Variants in ADAMTS17 observed in about 807,000 individuals in gnomAD.
ADAMTS17 encodes the protein A disintegrin and metalloproteinase with thrombospondin motifs 17.
Under a neutral mutation model 141.5 loss-of-function variants are expected in ADAMTS17, and 113 were observed. The ratio of observed to expected loss-of-function variants is 0.80; its 90% confidence interval spans 0.69 to 0.93. The LOEUF (loss-of-function observed/expected upper bound fraction) is 0.93, where lower values mean the gene tolerates loss of function less well. Among genes scored for constraint, ADAMTS17 ranks in the 40% least tolerant of loss-of-function variants. The probability of loss-of-function intolerance (pLI) is 0.00; values close to 1 mark genes in which losing one functional copy is unlikely to be tolerated. For synonymous variants in ADAMTS17, 768 were observed against 630.6 expected (o/e 1.22, Z -3.27); for missense variants, 1,659 against 1,517.9 (o/e 1.09, Z -1.54).
intron 7 of ADAMTS17, among the ~76,000 whole-genome samples, chr15:100,206,267 C>T (rs899941): frequency 0.99 from 150,782 of 152,302 alleles, 74,659 homozygotes; most frequent in East Asian, 1. Flanking sequence ...ACCAGCCTGC[C>T]GGATGGCTGC....
chr15:100,270,399 T>C (rs1442357463), intron 4 of ADAMTS17, among the ~76,000 whole-genome samples: 1 of 152,174 alleles, frequency 6.6e-6, no homozygotes, highest in East Asian at 1.9e-4. Context: ...ATAAGTGTAT[T>C]ATTATATTTA....
chr15:100,140,587 C>T (rs935848306), intron 10 of ADAMTS17, among the ~76,000 whole-genome samples: 1 of 151,366 alleles, frequency 6.6e-6, no homozygotes, highest in Admixed American at 6.6e-5. Context: ...TAAGCAGTCA[C>T]CAAGTCCAGA....
intron 18 of ADAMTS17, among the ~76,000 whole-genome samples, chr15:100,040,682 A>G (rs2031169468): frequency 1.3e-5 from 2 of 151,712 alleles, no homozygotes; most frequent in Admixed American, 1.3e-4. Flanking sequence ...AAATGACCAA[A>G]AAAAAAAAAA....
chr15:100,087,673 G>A (rs901550856), intron 15 of ADAMTS17, among the ~76,000 whole-genome samples: 1 of 152,154 alleles, frequency 6.6e-6, no homozygotes, highest in Non-Finnish European at 1.5e-5. Flanking sequence ...GGGATGCAAG[G>A]CTGGTTCAAC....
intron 7 of ADAMTS17, among the ~76,000 whole-genome samples, chr15:100,201,067 C>T (rs2041313097): frequency 2.0e-5 from 3 of 152,206 alleles, no homozygotes; most frequent in African/African-American, 7.2e-5. Flanking sequence ...CTTCCTGCCC[C>T]CAAAGAGCTA....
intron 3 of ADAMTS17, among the ~76,000 whole-genome samples, chr15:100,324,321 A>AG: frequency 6.6e-6 from 1 of 152,174 alleles, no homozygotes; most frequent in Non-Finnish European, 1.5e-5. Context: ...ATAAATAAAT[A>AG]GAAAAAAAAA....
chr15:100,284,843 C>G (rs1225455586), intron 3 of ADAMTS17, among the ~76,000 whole-genome samples: 1 of 152,212 alleles, frequency 6.6e-6, no homozygotes. Flanking sequence ...CAGAATAACA[C>G]ATGTGCTGGA....
At chr15:100,155,572 A>C (rs1029601502) in intron 8 of ADAMTS17, among the ~76,000 whole-genome samples, 2 of 152,360 alleles carry the variant, frequency 1.3e-5, no homozygotes, top group South Asian at 4.1e-4. Context: ...ACAATAAATC[A>C]ACAAAGTATA....
intron 13 of ADAMTS17, among the ~76,000 whole-genome samples, chr15:100,113,762 G>A (rs769708401): frequency 5.3e-5 from 8 of 152,194 alleles, no homozygotes; most frequent in Admixed American, 2.0e-4. Flanking sequence ...CTGGCTTGGC[G>A]GAGCTGTCGT....
At chr15:100,309,738 G>A (rs766608661) in intron 3 of ADAMTS17, among the ~76,000 whole-genome samples, 19 of 152,230 alleles carry the variant, frequency 1.2e-4, no homozygotes, top group African/African-American at 3.6e-4. Flanking sequence ...TCCCCAAATC[G>A]CCATCATGAC....
At chr15:100,100,733 G>A (rs2036045664) in intron 14 of ADAMTS17, among the ~76,000 whole-genome samples, 1 of 151,248 alleles carries the variant, frequency 6.6e-6, no homozygotes, top group Admixed American at 6.6e-5. Context: ...TTTTTCTCCT[G>A]CCTGCTGCCA....
Position 100,199,378 on chromosome 15 carries a change from A to G in ADAMTS17, c.1121T>C (p.Val374Ala). 2 of 1,614,202 alleles carry G rather than the reference A, an allele frequency of 1.2e-6. No individual in the cohort carries two copies. The highest frequency in any genetic ancestry group is 2.2e-5 in the East Asian group (1 of 44,878). ...ATTGAGACCATTGTCTTCGGCAAGCACACACTTCCTCTTAGCACTGCACAC... is the reference window on the plus strand; with the variant it reads ...ATTGAGACCATTGTCTTCGGCAAGCGCACACTTCCTCTTAGCACTGCACAC... ...GGVCSAKRKC[V>A]LAEDNGLNLA... Residue 374 changes from valine (V) to alanine (A), a missense_variant, in exon 8 of 22, where the codon GTG becomes GCG. By Grantham distance (64) the Val-to-Ala change is moderately conservative (BLOSUM62 0). Coordinates refer to ENST00000268070, the MANE Select transcript of ADAMTS17 (RefSeq NM_139057.4).
chr15:100,279,539 C>T (rs765960610), intron 4 of ADAMTS17, among the ~76,000 whole-genome samples: 1 of 152,262 alleles, frequency 6.6e-6, no homozygotes, highest in Non-Finnish European at 1.5e-5. Context: ...CCTGTCCTCT[C>T]GCGTCACTCC....
At chr15:100,300,928 C>A (rs1194619532) in intron 3 of ADAMTS17, among the ~76,000 whole-genome samples, 2 of 152,206 alleles carry the variant, frequency 1.3e-5, no homozygotes, top group Non-Finnish European at 2.9e-5. Flanking sequence ...TTCCTTGGAG[C>A]ACTCACTATT....
rs2060256609 is a variant in ADAMTS17, at chr15:99,973,619, G to A, written c.*783C>T. Reference sequence around the variant, plus strand: ...CATCACCGCAATTACCGTTTCTTATGTCACAGCACCTTGAAGAGAGGCCCT... The same window carrying A: ...CATCACCGCAATTACCGTTTCTTATATCACAGCACCTTGAAGAGAGGCCCT... On this transcript the variant is annotated 3_prime_UTR_variant, in exon 22 of 22. Coordinates refer to ENST00000268070, the MANE Select transcript of ADAMTS17 (RefSeq NM_139057.4). The A allele has an allele frequency of 6.6e-6, 1 of 152,232 alleles. No individual in the cohort carries two copies. The allele number at this position is 152,232 out of a possible 1,614,324, so 9.4% of individuals were successfully genotyped here.
At chr15:100,200,413 C>T (rs948441286) in intron 7 of ADAMTS17, among the ~76,000 whole-genome samples, 2 of 152,070 alleles carry the variant, frequency 1.3e-5, no homozygotes, top group African/African-American at 2.4e-5. Flanking sequence ...CCATGCCGGC[C>T]GCACTTCTGG....
At chr15:100,136,023 T>G (rs1423443222) in intron 10 of ADAMTS17, among the ~76,000 whole-genome samples, 1 of 152,194 alleles carries the variant, frequency 6.6e-6, no homozygotes, top group Non-Finnish European at 1.5e-5. Flanking sequence ...TTTGGCAGTA[T>G]TTGCTAAAGC....
intron 3 of ADAMTS17, among the ~76,000 whole-genome samples, chr15:100,282,110 T>C (rs1469133789): frequency 6.6e-6 from 1 of 152,156 alleles, no homozygotes; most frequent in African/African-American, 2.4e-5. Flanking sequence ...AGCCCACACC[T>C]ACAGGTCCAA....
intron 15 of ADAMTS17, among the ~76,000 whole-genome samples, chr15:100,071,481 CA>C: frequency 6.7e-6 from 1 of 150,086 alleles, no homozygotes; most frequent in South Asian, 2.1e-4. Context: ...AACATTGATG[CA>C]AAAATCCTCA....
Sources: allele counts gnomAD v4.1 joint callset (sites outside exome capture counted in the v4.1 genomes callset), GRCh38; gene constraint gnomAD v4.1.1; transcripts MANE v1.5; gene names NCBI Gene and HGNC (gene_info 2026-07-23, HGNC 2026-07-21).